The following TAPBPL variants were observed in gnomAD, a reference collection of about 807,000 sequenced individuals.
The protein encoded by TAPBPL is TAP binding protein like.
In TAPBPL, 32 loss-of-function variants were observed where a neutral mutation model predicts 44.8. That is an observed-to-expected ratio of 0.71 (90% CI 0.54 to 0.96). The LOEUF is 0.96. Among genes scored for constraint, TAPBPL ranks in the 40% least tolerant of loss-of-function variants. TAPBPL has a pLI of 0.00. For synonymous variants in TAPBPL, 230 were observed against 240.7 expected (o/e 0.96, Z 0.41); for missense variants, 520 against 586.6 (o/e 0.89, Z 1.17).
At chr12:6,466,303 T>A (rs1950023556), downstream of TAPBPL, 2 of 1,614,056 alleles carry the variant, frequency 1.2e-6, no homozygotes, top group African/African-American at 1.3e-5. Context: ...GACCCCCACC[T>A]GGGGCAGTCC....
At chr12:6,451,816 G>T, upstream of TAPBPL, 1 of 273,650 alleles carries the variant, frequency 3.7e-6, no homozygotes, top group Admixed American at 4.9e-5. Context: ...TTTCTCAGCC[G>T]GTTATGTTGG....
In TAPBPL at chr12:6,453,339, C is replaced by A. The variant is rs1251023196; in HGVS notation, c.295+42C>A. On this transcript the variant is annotated intron_variant, in intron 2 of 6. Transcript: ENST00000266556. The surrounding 1 kb of genome is among the most constrained non-coding windows in gnomAD (Gnocchi z 4.8). ...TGTGTCCTTGGTCCTCCCGGGCTCC[C>A]TCCACCAGGACAGCCCAGGTCCCGA... The A allele has an allele frequency of 6.2e-7, 1 of 1,611,078 alleles. No homozygotes were observed. The highest frequency in any genetic ancestry group is 1.7e-5 in the Admixed American group (1 of 59,696).
At position 6,461,032 on chromosome 12, in the gene TAPBPL, C is replaced by T. The variant is rs904486915; in HGVS notation, c.1291+94C>T. The T allele has an allele frequency of 1.9e-6, 3 of 1,570,710 alleles. No individual in the cohort carries two copies. In the Admixed American group the frequency reaches 5.8e-5, roughly 30 times the overall value. On this transcript the variant is annotated intron_variant, in intron 6 of 6. Coordinates refer to ENST00000266556, the MANE Select transcript of TAPBPL (RefSeq NM_018009.5). Reference sequence around the variant, plus strand: ...GACCAGGGTGGAAGCCCAGATGCCCCAAGCTCCAGCCACCCACCCATCACA... The same window carrying T: ...GACCAGGGTGGAAGCCCAGATGCCCTAAGCTCCAGCCACCCACCCATCACA...
chr12:6,463,556 A>G, downstream of TAPBPL: 1 of 1,055,792 alleles, frequency 9.5e-7, no homozygotes. This position sits in a 1 kb window ranked among gnomAD's most constrained non-coding sequence, Gnocchi z 4.0. Context: ...GCTTCCTCTG[A>G]GCTTGTTACT....
downstream of TAPBPL, chr12:6,464,419 G>A: frequency 6.4e-7 from 1 of 1,561,894 alleles, no homozygotes; most frequent in Non-Finnish European, 8.7e-7. Flanking sequence ...ACAGAGGGCA[G>A]AGGACATGAA....
downstream of TAPBPL, chr12:6,465,384 A>ATG (rs991256425): frequency 4.4e-3 from 333 of 76,184 alleles, 20 homozygotes; most frequent in African/African-American, 0.014. Context: ...ATGTATATAT[A>ATG]TGTATATATA....
chr12:6,461,954 G>C, intron 6 of TAPBPL, 80 bp from the exon 7 acceptor site: 1 of 1,160,542 alleles, frequency 8.6e-7, no homozygotes, highest in South Asian at 1.4e-5. Flanking sequence ...GAGGCAGATG[G>C]AAGAGGCCTG....
chr12:6,457,642 C>T lies in TAPBPL; in HGVS notation c.802C>T (p.Leu268Phe). The T allele has an allele frequency of 6.2e-7, 1 of 1,614,208 alleles. No individual in the cohort carries two copies. ...ACTGGGCATGGCCAGGGATGCCTCC[C>T]TCACCCTGCCCGGCCTCACTATACA... ...AQLGMARDASLTLPGLTIQDE... is the reference protein window; with the variant it reads ...AQLGMARDASFTLPGLTIQDE... The change falls in exon 4 of 7, where the codon CTC (leucine) becomes TTC (phenylalanine). Residue 268 changes from leucine to phenylalanine, a missense_variant. Transcript: ENST00000266556.
chr12:6,463,813 A>C (rs958541896), downstream of TAPBPL: 1 of 1,204,390 alleles, frequency 8.3e-7, no homozygotes, highest in East Asian at 5.8e-5. The surrounding 1 kb of genome is among the most constrained non-coding windows in gnomAD (Gnocchi z 4.0). Context: ...ACAATCCCTA[A>C]GTGTTCTCCA....
chr12:6,461,701 C>T (rs1046056752), intron 6 of TAPBPL, among the ~76,000 whole-genome samples: 7 of 152,234 alleles, frequency 4.6e-5, no homozygotes, highest in African/African-American at 1.7e-4. Flanking sequence ...GTTCTGCTCC[C>T]TCGGGTGACT....
chr12:6,455,664 T>C (rs999935221), intron 3 of TAPBPL, among the ~76,000 whole-genome samples: 1 of 152,078 alleles, frequency 6.6e-6, no homozygotes, highest in Non-Finnish European at 1.5e-5. Context: ...GGCATGGTGG[T>C]GCACACCTGT....
chr12:6,456,434 G>A (rs1306253333), intron 3 of TAPBPL, among the ~76,000 whole-genome samples: 3 of 143,536 alleles, frequency 2.1e-5, no homozygotes, highest in Non-Finnish European at 4.5e-5. Flanking sequence ...GCTCGATCTT[G>A]GCTCACCACA....
chr12:6,464,785 A>G (rs1479653086), downstream of TAPBPL: 13 of 1,581,700 alleles, frequency 8.2e-6, no homozygotes, highest in East Asian at 2.9e-4. Flanking sequence ...CGGTCTCCAT[A>G]CCTCAGTCAG....
At chr12:6,470,446 C>A, downstream of TAPBPL, 1 of 1,596,442 alleles carries the variant, frequency 6.3e-7, no homozygotes, top group Non-Finnish European at 8.6e-7. Context: ...TGCTGCATTG[C>A]GCCATTTTCC....
At chr12:6,456,364 C>CT (rs542812394) in intron 3 of TAPBPL, among the ~76,000 whole-genome samples, 26,992 of 134,232 alleles carry the variant, frequency 0.2, 2,822 homozygotes, top group East Asian at 0.31. Context: ...CTATCACATG[C>CT]TTTTTTTTTT....
At chr12:6,465,372 A>AC (rs56993379), downstream of TAPBPL, 27 of 111,912 alleles carry the variant, frequency 2.4e-4, no homozygotes, top group Non-Finnish European at 3.5e-4. Flanking sequence ...ATATATATAT[A>AC]AATGTATATA....
downstream of TAPBPL, chr12:6,464,399 G>C (rs755550229): frequency 6.4e-7 from 1 of 1,555,868 alleles, no homozygotes; most frequent in Admixed American, 1.9e-5. Flanking sequence ...GAAGTGTGTT[G>C]AGAGAGCAAA....
downstream of TAPBPL, chr12:6,470,826 TCTC>T (rs1382593474): frequency 7.7e-6 from 4 of 520,810 alleles, no homozygotes; most frequent in Admixed American, 9.8e-5. Context: ...CAGTCACAAC[TCTC>T]CTCTCATCCG....
intron 5 of TAPBPL, among the ~76,000 whole-genome samples, chr12:6,459,747 T>TATTC (rs757629173): frequency 3.5e-5 from 5 of 144,666 alleles, no homozygotes; most frequent in Non-Finnish European, 5.9e-5. Flanking sequence ...TTTATTTATT[T>TATTC]ATTTATTTAT....
Sources: gnomAD v4.1 joint callset for allele counts (sites outside exome capture counted in the v4.1 genomes callset) on GRCh38, gnomAD v4.1.1 for gene constraint, Gnocchi (gnomAD v3.1) non-coding constraint, MANE v1.5 for transcripts, NCBI Gene and HGNC (gene_info 2026-07-23, HGNC 2026-07-21) for gene names.